Variants in TFDP1 observed in about 807,000 individuals in gnomAD.
The protein encoded by TFDP1 is transcription factor Dp-1, also known as DRTF1-polypeptide 1.
TFDP1 carries 6 observed loss-of-function variants against 48.0 expected under a neutral mutation model. That is an observed-to-expected ratio of 0.13 (90% CI 0.07 to 0.25). The LOEUF (loss-of-function observed/expected upper bound fraction) is 0.25. Ranked by LOEUF, TFDP1 falls within the 10% of genes least tolerant of loss-of-function variation. TFDP1 has a pLI of 1.00. For missense variants in TFDP1, 335 were observed against 543.0 expected (o/e 0.62, Z 3.81); for synonymous variants, 201 against 211.6 (o/e 0.95, Z 0.44).
intron 3 of TFDP1, among the ~76,000 whole-genome samples, chr13:113,615,895 G>C (rs566877789): frequency 2.4e-4 from 37 of 152,236 alleles, no homozygotes; most frequent in African/African-American, 8.7e-4. Context: ...CTGAGTGACA[G>C]AGCCAGACCC....
chr13:113,601,786 C>T (rs1051903205), intron 2 of TFDP1, among the ~76,000 whole-genome samples: 3 of 152,210 alleles, frequency 2.0e-5, no homozygotes, highest in Non-Finnish European at 4.4e-5. Flanking sequence ...GAGTTCTCCG[C>T]AGGAGTTGAT....
chr13:113,593,162 G>A (rs1237131223), intron 2 of TFDP1, among the ~76,000 whole-genome samples: 4 of 139,628 alleles, frequency 2.9e-5, no homozygotes, highest in African/African-American at 1.1e-4. Context: ...GCTGTGTGTG[G>A]GTCCTCACCC....
chr13:113,600,913 C>T (rs530857760), intron 2 of TFDP1, among the ~76,000 whole-genome samples: 1 of 151,630 alleles, frequency 6.6e-6, no homozygotes, highest in African/African-American at 2.4e-5. Context: ...AGAGAGAATC[C>T]TCGCACGTGG....
In TFDP1 at chr13:113,617,531, T is replaced by TTCACCTGCAGAGCCGC. The variant is rs1298643258; in HGVS notation, c.80-5637_80-5622dup. Among the ~76,000 whole-genome samples the TTCACCTGCAGAGCCGC allele has an allele frequency of 2.9e-4, 40 of 137,032 alleles. 1 individual carries two copies. Among genetic ancestry groups the TTCACCTGCAGAGCCGC allele is most frequent in the East Asian group, 1.1e-3 (5 of 4,510 alleles). 89.9% of individuals were successfully genotyped at this position (137,032 alleles called of 152,430 possible). On this transcript the variant is annotated intron_variant, in intron 3 of 11. Coordinates refer to ENST00000375370, the MANE Select transcript of TFDP1 (RefSeq NM_007111.5). ...GCAGAGCCCTTCACCTGCAGAACCA[T>TTCACCTGCAGAGCCGC]TCACCTGCAGAGCCGCTCACCTGCA...
At chr13:113,613,482 G>A (rs1469447033) in intron 3 of TFDP1, among the ~76,000 whole-genome samples, 1 of 152,332 alleles carries the variant, frequency 6.6e-6, no homozygotes, top group African/African-American at 2.4e-5. Context: ...TTAACAAATA[G>A]AATGGTTTGT....
chr13:113,591,912 C>G (rs2048156389), intron 2 of TFDP1, among the ~76,000 whole-genome samples: 1 of 152,226 alleles, frequency 6.6e-6, no homozygotes, highest in Non-Finnish European at 1.5e-5. Context: ...CCATGCACTG[C>G]TCTCTGTATC....
rs112577760 is a variant in TFDP1 at position 113,635,941 on chromosome 13, C to T, written c.688-36C>T. 7.6e-4 allele frequency: 1,214 copies of T among 1,599,260 alleles called. 9 individuals are homozygous for T. The African/African-American group carries it at 0.013, about 17-fold the overall frequency. On this transcript the variant is annotated intron_variant, in intron 8 of 11. Transcript: ENST00000375370. ...GAGCACAGGGGCTGCGTTCTTGTGC[C>T]GCCACGGGCCACCTGGCTCCTCTTA...
intron 2 of TFDP1, among the ~76,000 whole-genome samples, chr13:113,592,364 T>C (rs2048167080): frequency 2.6e-5 from 4 of 152,218 alleles, no homozygotes; most frequent in East Asian, 1.9e-4. Context: ...TTCATGTTGC[T>C]CAGGCTGGTC....
chr13:113,623,132 A>T lies in TFDP1; in HGVS notation c.80-48A>T. 6.5e-7 allele frequency: 1 copy of T among 1,536,142 alleles called. No individual in the cohort carries two copies. The highest frequency in any genetic ancestry group is 8.9e-7 in the Non-Finnish European group (1 of 1,122,340). On this transcript the variant is annotated intron_variant, in intron 3 of 11. Coordinates refer to ENST00000375370, the MANE Select transcript of TFDP1 (RefSeq NM_007111.5). The surrounding 1 kb of genome is among the most constrained non-coding windows in gnomAD (Gnocchi z 5.2). ...ATTTAGAATGGTCGCTTGTAGCCTT[A>T]ACTTAGAAAAGGAGTCTCGCCCTTG...
chr13:113,629,572 C>T (rs1227485958), intron 4 of TFDP1, among the ~76,000 whole-genome samples: 1 of 152,202 alleles, frequency 6.6e-6, no homozygotes, highest in Non-Finnish European at 1.5e-5. Context: ...GATACCCACA[C>T]TTGACTAGAG....
At chr13:113,613,767 T>C (rs778098169) in intron 3 of TFDP1, among the ~76,000 whole-genome samples, 8 of 151,758 alleles carry the variant, frequency 5.3e-5, no homozygotes, top group Non-Finnish European at 8.8e-5. Context: ...TGCGTGGGTG[T>C]GTGAGGAGTG....
At position 113,585,726 on chromosome 13, in the gene TFDP1, TCTTA is replaced by T. The variant is rs561424385; in HGVS notation, c.-64-43_-64-40del. 3.7e-4 allele frequency: 436 copies of T among 1,182,118 alleles called. 2 individuals carry two copies. The East Asian group carries it at 5.9e-3, about 16-fold the overall frequency. 73.2% of individuals were successfully genotyped at this position (1,182,118 alleles called of 1,614,324 possible). On this transcript the variant is annotated intron_variant, in intron 1 of 11. Coordinates refer to ENST00000375370, the MANE Select transcript of TFDP1 (RefSeq NM_007111.5). ...TTATTTTTTAAACTTCGTTTTTCAT[TCTTA>T]CTTATTTCTTGTTTTTCCTTACTTT...
At chr13:113,601,067 A>G (rs1350642619) in intron 2 of TFDP1, among the ~76,000 whole-genome samples, 1 of 152,204 alleles carries the variant, frequency 6.6e-6, no homozygotes, top group Non-Finnish European at 1.5e-5. Flanking sequence ...GATCTTCTCC[A>G]GATGCGAGGT....
chr13:113,603,616 C>T lies in TFDP1; in HGVS notation c.13-7380C>T, dbSNP rs573158747. Among the ~76,000 whole-genome samples, 9 of 152,308 alleles carry T rather than the reference C, an allele frequency of 5.9e-5. No individual in the cohort carries two copies. The South Asian group carries it at 1.9e-3, about 32-fold the overall frequency. The stretch of plus-strand genomic sequence containing the variant: ...TTTACGAACGTGTGTTTTGCTGTTA[C>T]TGCTGCTACTCATAGTATGGTTTTG... On this transcript the variant is annotated intron_variant, in intron 2 of 11. Coordinates refer to ENST00000375370, the MANE Select transcript of TFDP1 (RefSeq NM_007111.5).
intron 2 of TFDP1, among the ~76,000 whole-genome samples, chr13:113,608,853 C>T (rs2048635177): frequency 6.6e-6 from 1 of 152,232 alleles, no homozygotes; most frequent in South Asian, 2.1e-4. Context: ...AGCCACCTGT[C>T]CAGACCCACT....
In TFDP1 at chr13:113,627,983, G is replaced by A. The variant is rs541642863; in HGVS notation, c.187-3640G>A. The stretch of plus-strand genomic sequence containing the variant: ...TTGGTCTCGGGCAAGGTGGACCTCC[G>A]GCAGGTCCTCTACTGTGGGATGCTT... On this transcript the variant is annotated intron_variant, in intron 4 of 11. Transcript: ENST00000375370. This position sits in a 1 kb window ranked among gnomAD's most constrained non-coding sequence, Gnocchi z 4.1. Among the ~76,000 whole-genome samples the A allele has an allele frequency of 6.6e-6, 1 of 152,258 alleles. No individual in the cohort carries two copies. Among genetic ancestry groups the A allele is most frequent in the African/African-American group, 2.4e-5 (1 of 41,500 alleles).
chr13:113,591,994 A>G (rs2048158531), intron 2 of TFDP1, among the ~76,000 whole-genome samples: 1 of 152,208 alleles, frequency 6.6e-6, no homozygotes, highest in African/African-American at 2.4e-5. Flanking sequence ...AGATTCCCGC[A>G]GCATCCCGAC....
Position 113,611,067 on chromosome 13 carries a change from G to A in TFDP1, c.79+5G>A. 1 of 1,613,462 alleles carries A rather than the reference G, an allele frequency of 6.2e-7. No homozygotes were observed. Among genetic ancestry groups the A allele is most frequent in the East Asian group, 2.2e-5 (1 of 44,880 alleles). ...AGAACCTTAGTCCCGGGAAAGGTAA[G>A]GGCACCTGTTCTGGACACACTCTTG... On this transcript the variant is annotated splice_donor_5th_base_variant and intron_variant, in intron 3 of 11. Coordinates refer to ENST00000375370, the MANE Select transcript of TFDP1 (RefSeq NM_007111.5).
At chr13:113,626,879 G>A (rs2049194026) in intron 4 of TFDP1, among the ~76,000 whole-genome samples, 1 of 152,210 alleles carries the variant, frequency 6.6e-6, no homozygotes, top group African/African-American at 2.4e-5. Context: ...TTGTCTGGGT[G>A]AATAATTGTA....
Sources: allele counts gnomAD v4.1 joint callset (sites outside exome capture counted in the v4.1 genomes callset), GRCh38; gene constraint gnomAD v4.1.1; non-coding constraint Gnocchi (gnomAD v3.1); transcripts MANE v1.5; gene names NCBI Gene and HGNC (gene_info 2026-07-23, HGNC 2026-07-21).